Variants in RXRA observed in about 807,000 individuals in gnomAD.
RXRA encodes retinoic acid receptor RXR-alpha.
In RXRA, 5 loss-of-function variants were observed where a neutral mutation model predicts 44.5. The observed-to-expected ratio is 0.11, with a 90% CI of 0.06 to 0.24. The LOEUF (loss-of-function observed/expected upper bound fraction) is 0.24, where lower values mean the gene tolerates loss of function less well. Ranked by LOEUF, RXRA falls within the 10% of genes least tolerant of loss-of-function variation. The pLI, the probability that RXRA is intolerant of heterozygous loss-of-function variation, is 1.00. For synonymous variants in RXRA, 291 were observed against 271.4 expected, an observed-to-expected ratio of 1.07 and a Z score of -0.71; for missense variants, 412 against 646.5, an observed-to-expected ratio of 0.64 and a Z score of 3.93.
rs551548526 is a variant in RXRA at position 134,352,848 on chromosome 9, G to T, written c.28+26189G>T. Among the ~76,000 whole-genome samples, 15 of 152,300 alleles carry T rather than the reference G, an allele frequency of 9.8e-5. No individual in the cohort carries two copies. In the East Asian group the frequency reaches 2.9e-3, roughly 29 times the overall value. On this transcript the variant is annotated intron_variant, in intron 1 of 9. Transcript: ENST00000481739. ...ATCCAGGGCTCTTGGGTCTCTCTTT[G>T]GCAGGGAATCAGGAGCCCTGGAGAC...
At chr9:134,381,086 G>A (rs1316548898) in intron 1 of RXRA, among the ~76,000 whole-genome samples, 1 of 152,208 alleles carries the variant, frequency 6.6e-6, no homozygotes, top group African/African-American at 2.4e-5. Flanking sequence ...CCTTCTCTGA[G>A]CCCCAGTTGC....
At position 134,429,152 on chromosome 9, in the gene RXRA, G is replaced by A. The variant is rs771637845; in HGVS notation, c.955G>A (p.Ala319Thr). The change falls in exon 7 of 10, where the codon GCC becomes ACC. Residue 319 changes from alanine to threonine, a missense_variant. This residue lies in a region of RXRA where 141 missense variants were observed against 270.8 expected (regional missense o/e 0.52). Transcript: ENST00000481739. The part of the protein sequence containing the change: ...LIASFSHRSI[A>T]VKDGILLATG... ...CGCCTCCTTCTCCCACCGCTCCATC[G>A]CCGTGAAGGACGGGATCCTCCTGGC... The A allele has an allele frequency of 7.4e-6, 12 of 1,612,948 alleles. No homozygotes were observed. Among genetic ancestry groups the A allele is most frequent in the Middle Eastern group, 1.6e-4 (1 of 6,080 alleles).
At chr9:134,374,227 CA>C (rs1830524933) in intron 1 of RXRA, 1 of 152,354 alleles carries the variant, frequency 6.6e-6, no homozygotes, top group African/African-American at 2.4e-5. Context: ...GCGATGCAGC[CA>C]GGACTCAAAC....
chr9:134,412,007 G>C (rs1348298525), intron 4 of RXRA, among the ~76,000 whole-genome samples: 1 of 152,134 alleles, frequency 6.6e-6, no homozygotes, highest in Non-Finnish European at 1.5e-5. Flanking sequence ...CCTCCTCCCC[G>C]GCCTGCGTCT....
intron 6 of RXRA, chr9:134,424,089 G>A (rs1351741365): frequency 2.0e-5 from 20 of 985,242 alleles, no homozygotes; most frequent in Non-Finnish European, 2.4e-5. Context: ...GGGTGTTCGT[G>A]GTGGAGTGCG....
rs949007710 is a variant in RXRA, at chr9:134,370,669, C to T, written c.29-30963C>T. Reference sequence around the variant, plus strand: ...TTCCTCGCCACCTGCAAGCCATCCCCGTGTGCTGGCTGGGCCCTGGGCTGC... The same window carrying T: ...TTCCTCGCCACCTGCAAGCCATCCCTGTGTGCTGGCTGGGCCCTGGGCTGC... On this transcript the variant is annotated intron_variant, in intron 1 of 9. Coordinates refer to ENST00000481739, the MANE Select transcript of RXRA (RefSeq NM_002957.6). Among the ~76,000 whole-genome samples the T allele has an allele frequency of 7.9e-5, 12 of 152,348 alleles. No individual in the cohort carries two copies. In the South Asian group the frequency reaches 1.7e-3, roughly 21 times the overall value.
intron 1 of RXRA, among the ~76,000 whole-genome samples, chr9:134,381,999 C>T (rs569907188): frequency 8.5e-5 from 13 of 152,288 alleles, no homozygotes; most frequent in Admixed American, 5.2e-4. Context: ...CTCCCCACGT[C>T]TCCTCCTCTC....
intron 6 of RXRA, chr9:134,422,223 C>T (rs1831351122): frequency 3.1e-6 from 4 of 1,284,240 alleles, no homozygotes; most frequent in South Asian, 1.2e-5. Flanking sequence ...CCTCCTGGGA[C>T]ATACTCCCCA....
chr9:134,390,115 C>T (rs937213064), intron 1 of RXRA, among the ~76,000 whole-genome samples: 14 of 152,286 alleles, frequency 9.2e-5, no homozygotes, highest in African/African-American at 2.9e-4. Context: ...CTGCATTCCC[C>T]GGCAGGATTT....
At chr9:134,377,476 T>A (rs1035787253) in intron 1 of RXRA, among the ~76,000 whole-genome samples, 2 of 152,166 alleles carry the variant, frequency 1.3e-5, no homozygotes, top group Non-Finnish European at 2.9e-5. Flanking sequence ...TGTGCTGGCA[T>A]CACCGCTCGG....
At chr9:134,401,451 G>T in intron 1 of RXRA, 181 bp from the exon 2 acceptor site, 1 of 918,420 alleles carries the variant, frequency 1.1e-6, no homozygotes, top group Non-Finnish European at 1.7e-6. Context: ...GGAGCTCTGG[G>T]CACACCTGGC....
intron 2 of RXRA, among the ~76,000 whole-genome samples, chr9:134,406,950 G>A (rs966777428): frequency 6.6e-6 from 1 of 152,216 alleles, no homozygotes; most frequent in African/African-American, 2.4e-5. Flanking sequence ...CATTTGGTGA[G>A]TCACACAGTG....
intron 1 of RXRA, among the ~76,000 whole-genome samples, chr9:134,355,803 CAGG>C (rs1830276447): frequency 6.6e-6 from 1 of 152,170 alleles, no homozygotes. Flanking sequence ...TGCAGCTGTG[CAGG>C]AGAATTCCTC....
intron 1 of RXRA, among the ~76,000 whole-genome samples, chr9:134,332,164 A>G (rs1174855781): frequency 6.6e-6 from 1 of 152,174 alleles, no homozygotes; most frequent in Non-Finnish European, 1.5e-5. Flanking sequence ...CCAGGTGGAA[A>G]GCTGTAGTTG....
At chr9:134,336,990 A>T (rs1024409734) in intron 1 of RXRA, among the ~76,000 whole-genome samples, 2 of 152,060 alleles carry the variant, frequency 1.3e-5, no homozygotes, top group East Asian at 3.9e-4. Context: ...GCCAGCTGGA[A>T]TCCCTGGGGG....
At chr9:134,371,683 T>C (rs1830492829) in intron 1 of RXRA, among the ~76,000 whole-genome samples, 1 of 152,198 alleles carries the variant, frequency 6.6e-6, no homozygotes, top group Admixed American at 6.5e-5. Flanking sequence ...CCTTGGGGTA[T>C]GGAGGACGGG....
chr9:134,413,297 G>A (rs577211854), intron 4 of RXRA, among the ~76,000 whole-genome samples: 3 of 151,930 alleles, frequency 2.0e-5, no homozygotes, highest in East Asian at 1.9e-4. Context: ...ATGGGTGTGC[G>A]TGTGGTGTGT....
intron 1 of RXRA, among the ~76,000 whole-genome samples, chr9:134,370,376 GGTTCC>G (rs1830476783): frequency 6.6e-6 from 1 of 152,236 alleles, no homozygotes; most frequent in Admixed American, 6.5e-5. Flanking sequence ...CTGCCCGGCT[GGTTCC>G]AAGGCCTTTC....
intron 2 of RXRA, chr9:134,403,308 T>C (rs1830993963): frequency 6.6e-6 from 1 of 152,288 alleles, no homozygotes; most frequent in African/African-American, 2.4e-5. Flanking sequence ...CTGGGGCCTC[T>C]GCTCCGTGTC....
Sources: gnomAD v4.1 joint callset for allele counts (sites outside exome capture counted in the v4.1 genomes callset) on GRCh38, gnomAD v4.1.1 for gene constraint, gnomAD v4.1.1 regional missense constraint, MANE v1.5 for transcripts, NCBI Gene and HGNC (gene_info 2026-07-23, HGNC 2026-07-21) for gene names.